The following TMEM150B variants were observed in gnomAD, a reference collection of about 807,000 sequenced individuals.
The protein encoded by TMEM150B is modulator of macroautophagy TMEM150B.
TMEM150B carries 33 observed loss-of-function variants against 25.2 expected under a neutral mutation model. The ratio of observed to expected loss-of-function variants is 1.31; its 90% confidence interval spans 0.99 to 1.75. The LOEUF (loss-of-function observed/expected upper bound fraction) is 1.75. TMEM150B is among the 40% of genes most tolerant of loss of function. The pLI is 0.00. For synonymous variants in TMEM150B, 133 were observed against 134.8 expected, an observed-to-expected ratio of 0.99 and a Z score of 0.09; for missense variants, 322 against 306.1, an observed-to-expected ratio of 1.05 and a Z score of -0.39.
At chr19:55,310,278 C>G (rs2088754986), downstream of TMEM150B, among the ~76,000 whole-genome samples, 1 of 152,146 alleles carries the variant, frequency 6.6e-6, no homozygotes, top group Admixed American at 6.6e-5. The surrounding 1 kb of genome is among the most constrained non-coding windows in gnomAD (Gnocchi z 5.0). Context: ...GAGACTGTTT[C>G]CTTGTGTGTT....
Position 55,320,591 on chromosome 19 carries a change from GT to G in TMEM150B, c.94del (p.Thr32LeufsTer58). The G allele has an allele frequency of 6.2e-7, 1 of 1,614,036 alleles. No individual in the cohort carries two copies. Among genetic ancestry groups the G allele is most frequent in the Non-Finnish European group, 8.5e-7 (1 of 1,179,982 alleles). ...GGGAAAGCCTTTACTGAGGTCCACA[GT>G]CCTGTTGGTCACTGCAATGGCAAAA... ...IVFAIAVTNRTVDLSKGFPYI... is the reference protein window; with the variant it reads ...IVFAIAVTNRXVDLSKGFPYI... On this transcript the variant is annotated frameshift_variant, in exon 4 of 8. Transcript: ENST00000326652. LOFTEE classifies it high-confidence loss of function.
intron 1 of TMEM150B, chr19:55,324,609 C>T (rs1263604824): frequency 1.5e-6 from 1 of 667,062 alleles, no homozygotes; most frequent in Non-Finnish European, 1.9e-6. Flanking sequence ...GATCGCACCA[C>T]TGCATTCCAG....
Position 55,313,018 on chromosome 19 carries a change from A to C in TMEM150B, c.543T>G (p.Ser181=). The change falls in exon 8 of 8, where the codon TCT becomes TCG. Residue 181 remains serine (S), a synonymous_variant. Coordinates refer to ENST00000326652, the MANE Select transcript of TMEM150B (RefSeq NM_001282011.2). ...TGGCCACGACCCACTCGCAGGCCGC[A>C]GAGACGCTACGCAGCGAGCAGGCGT... ...VLHACSLRSV[S]AACEWVVAML... is the part of the protein sequence containing the mutation. 1.2e-6 allele frequency: 2 copies of C among 1,613,380 alleles called. No homozygotes were observed. The highest frequency in any genetic ancestry group is 1.7e-6 in the Non-Finnish European group (2 of 1,179,802).
Position 55,313,066 on chromosome 19 carries a change from G to T in TMEM150B, c.506-11C>A, listed in dbSNP as rs762507617. On this transcript the variant is annotated splice_polypyrimidine_tract_variant and intron_variant, in intron 7 of 7. Transcript: ENST00000326652. ...CGTGGAGGACGATCACTGCCCCAGG[G>T]TCAAGGGCCACACTGCTACCGTGAC... 13 of 1,604,192 alleles carry T rather than the reference G, an allele frequency of 8.1e-6. No homozygotes were observed. In the South Asian group the frequency reaches 1.3e-4, roughly 17 times the overall value.
chr19:55,312,565 T>C (rs1377865048), downstream of TMEM150B: 1 of 115,726 alleles, frequency 8.6e-6, no homozygotes, highest in Non-Finnish European at 1.6e-5. Flanking sequence ...AAAAAAAAGA[T>C]AATAATAATA....
In TMEM150B at chr19:55,312,999, C is replaced by T. The variant is rs775523404; in HGVS notation, c.562G>A (p.Val188Met). Residue 188 changes from valine to methionine, a missense_variant, in exon 8 of 8, where the codon GTG (valine) becomes ATG (methionine). Physicochemically the swap from Val to Met is conservative, Grantham distance 21. Coordinates refer to ENST00000326652, the MANE Select transcript of TMEM150B (RefSeq NM_001282011.2). The part of the protein sequence containing the change: ...RSVSAACEWV[V>M]AMLLFALFGL... Reference sequence around the variant, plus strand: ...AAGAGCGCGAACAGCAGCATGGCCACGACCCACTCGCAGGCCGCAGAGACG... The same window carrying T: ...AAGAGCGCGAACAGCAGCATGGCCATGACCCACTCGCAGGCCGCAGAGACG... 1.2e-6 allele frequency: 2 copies of T among 1,613,604 alleles called. No homozygotes were observed. Among genetic ancestry groups the T allele is most frequent in the Non-Finnish European group, 1.7e-6 (2 of 1,179,862 alleles).
chr19:55,320,536 C>A (rs2089172165), intron 4 of TMEM150B, 22 bp downstream of exon 4: 1 of 1,613,804 alleles, frequency 6.2e-7, no homozygotes, highest in African/African-American at 1.3e-5. Context: ...CCCCCCAAAT[C>A]CCTACCCTCG....
chr19:55,312,145 G>A, downstream of TMEM150B: 2 of 654,040 alleles, frequency 3.1e-6, no homozygotes, highest in Non-Finnish European at 5.0e-6. Flanking sequence ...TGTAAATAAG[G>A]CCCAAGGAAC....
At chr19:55,309,812 G>T (rs1454624517), downstream of TMEM150B, among the ~76,000 whole-genome samples, 1 of 152,204 alleles carries the variant, frequency 6.6e-6, no homozygotes, top group Non-Finnish European at 1.5e-5. Context: ...GAGAGCGCCT[G>T]CCCTGGAAAT....
chr19:55,312,081 G>GGGGA (rs1568992517), downstream of TMEM150B: 8 of 1,392,116 alleles, frequency 5.7e-6, no homozygotes, highest in African/African-American at 1.5e-5. Flanking sequence ...CCACGGGGCC[G>GGGGA]GGGAGGGAGG....
downstream of TMEM150B, chr19:55,311,889 A>G (rs752379849): frequency 9.3e-6 from 15 of 1,609,796 alleles, no homozygotes; most frequent in East Asian, 9.0e-5. Flanking sequence ...GAACCCACGA[A>G]AAACCTCTTC....
downstream of TMEM150B, chr19:55,312,110 C>T (rs117077997): frequency 2.3e-6 from 2 of 879,814 alleles, no homozygotes; most frequent in South Asian, 1.9e-5. Context: ...CTCCACCCCC[C>T]TTCCGTGCCC....
chr19:55,317,125 G>A (rs1056953977), intron 6 of TMEM150B, among the ~76,000 whole-genome samples, 159 bp from the exon 7 acceptor site: 3 of 152,202 alleles, frequency 2.0e-5, no homozygotes, highest in Admixed American at 6.5e-5. Flanking sequence ...TCAGCTCCAC[G>A]AGAGCAGGCA....
chr19:55,321,348 C>A (rs2089203437), intron 2 of TMEM150B, among the ~76,000 whole-genome samples: 1 of 151,840 alleles, frequency 6.6e-6, no homozygotes, highest in Non-Finnish European at 1.5e-5. Context: ...TCCCAGCCTC[C>A]AGGACCTCCT....
rs1258124491 is a variant in TMEM150B at position 55,320,541 on chromosome 19, C to A, written c.128+17G>T. The stretch of plus-strand genomic sequence containing the variant: ...CAGCGGCGATCCCCCCAAATCCCTA[C>A]CCTCGGGCAGAATTACCTGATGTAG... On this transcript the variant is annotated intron_variant, in intron 4 of 7. Coordinates refer to ENST00000326652, the MANE Select transcript of TMEM150B (RefSeq NM_001282011.2). 4 of 1,613,956 alleles carry A rather than the reference C, an allele frequency of 2.5e-6. No homozygotes were observed. The highest frequency in any genetic ancestry group is 3.4e-6 in the Non-Finnish European group (4 of 1,179,886).
At chr19:55,325,105 C>T (rs1448648195) in intron 1 of TMEM150B, among the ~76,000 whole-genome samples, 167 bp downstream of exon 1, 2 of 152,174 alleles carry the variant, frequency 1.3e-5, no homozygotes, top group African/African-American at 2.4e-5. Flanking sequence ...GACTTGTCCC[C>T]GCTCTGAGCC....
At chr19:55,311,682 A>G (rs2088799378), downstream of TMEM150B, among the ~76,000 whole-genome samples, 1 of 152,150 alleles carries the variant, frequency 6.6e-6, no homozygotes, top group African/African-American at 2.4e-5. Flanking sequence ...CAGGGGGCAT[A>G]GGGTGCAGCC....
intron 1 of TMEM150B, among the ~76,000 whole-genome samples, chr19:55,323,044 C>T (rs116287547): frequency 8.7e-4 from 133 of 152,244 alleles, no homozygotes; most frequent in African/African-American, 3.1e-3. Flanking sequence ...AGAACTCTTC[C>T]CTTAGACACA....
In TMEM150B at chr19:55,313,169, C is replaced by T. The variant is rs564416865; in HGVS notation, c.506-114G>A. ...TCTCTGGGTGTCCCCATCCTCAGCTCTCCCCTTCCCCCGTAGCTCCTCACA... is the reference window on the plus strand; with the variant it reads ...TCTCTGGGTGTCCCCATCCTCAGCTTTCCCCTTCCCCCGTAGCTCCTCACA... On this transcript the variant is annotated intron_variant, in intron 7 of 7. Coordinates refer to ENST00000326652, the MANE Select transcript of TMEM150B (RefSeq NM_001282011.2). 7.5e-5 allele frequency: 82 copies of T among 1,095,386 alleles called. 1 individual carries two copies. In the South Asian group the frequency reaches 1.2e-3, roughly 16 times the overall value. The allele number at this position is 1,095,386 out of a possible 1,614,324, so 67.9% of individuals were successfully genotyped here. A position where few individuals can be genotyped will look rare whatever the true frequency, so the allele number is the denominator to read the frequency against.
Sources: allele counts gnomAD v4.1 joint callset (sites outside exome capture counted in the v4.1 genomes callset), GRCh38; gene constraint gnomAD v4.1.1; non-coding constraint Gnocchi (gnomAD v3.1); transcripts MANE v1.5; gene names NCBI Gene and HGNC (gene_info 2026-07-23, HGNC 2026-07-21).